KIF15: variants seen among roughly 807,000 people sequenced by gnomAD.
KIF15 encodes the protein kinesin family member 15.
KIF15 carries 140 observed loss-of-function variants against 190.6 expected under a neutral mutation model. The ratio of observed to expected loss-of-function variants is 0.73; its 90% CI spans 0.64 to 0.84. The LOEUF (loss-of-function observed/expected upper bound fraction) is 0.84. Ranked by LOEUF, KIF15 falls within the 40% of genes least tolerant of loss-of-function variation. The pLI is 0.00. For missense variants in KIF15, 1,372 were observed against 1,584.4 expected (o/e 0.87, Z 2.28); for synonymous variants, 528 against 551.3 (o/e 0.96, Z 0.59).
chr3:44,828,100 T>A, intron 23 of KIF15, 114 bp from the exon 24 acceptor site: 1 of 663,706 alleles, frequency 1.5e-6, no homozygotes, highest in East Asian at 2.8e-5. Context: ...TTTCAAGTAT[T>A]ACTCCTAGCA....
intron 7 of KIF15, 142 bp downstream of exon 7, chr3:44,786,716 A>G (rs1706424598): frequency 8.4e-6 from 5 of 595,822 alleles, no homozygotes; most frequent in Non-Finnish European, 1.3e-5. Flanking sequence ...GTAAAGATAA[A>G]ATAATATGGC....
intron 8 of KIF15, among the ~76,000 whole-genome samples, chr3:44,796,655 A>G (rs900574319): frequency 6.6e-6 from 1 of 152,108 alleles, no homozygotes; most frequent in Non-Finnish European, 1.5e-5. Flanking sequence ...TCTTTTTTGT[A>G]TACTCCTTCC....
At chr3:44,829,908 AT>A in intron 24 of KIF15, 62 bp from the exon 25 acceptor site, 1 of 804,942 alleles carries the variant, frequency 1.2e-6, no homozygotes, top group African/African-American at 1.8e-5. Flanking sequence ...GTGATTTACC[AT>A]TTAAAAATTT....
chr3:44,801,808 A>G lies in KIF15; in HGVS notation c.1343A>G (p.Lys448Arg). 3 of 1,606,666 alleles carry G rather than the reference A, an allele frequency of 1.9e-6. No individual in the cohort carries two copies. The highest frequency in any genetic ancestry group is 2.6e-6 in the Non-Finnish European group (3 of 1,174,630). The stretch of plus-strand genomic sequence containing the variant: ...ACCCAATTAGAAGACCTCACCCTCA[A>G]AAAGGAAAAATTTATTCAATCTAAT... ...KVTQLEDLTL[K>R]KEKFIQSNKM... The change falls in exon 13 of 35, where the codon AAA becomes AGA. Residue 448 changes from lysine (K) to arginine (R), a missense_variant. Lys to Arg is a conservative substitution (Grantham distance 26). Transcript: ENST00000326047.
chr3:44,850,681 A>G (rs2125731324), intron 32 of KIF15, among the ~76,000 whole-genome samples: 1 of 152,314 alleles, frequency 6.6e-6, no homozygotes, highest in Middle Eastern at 3.4e-3. Context: ...AAAGCCAACA[A>G]TGAATTGGGA....
intron 23 of KIF15, 31 bp from the exon 24 acceptor site, chr3:44,828,182 AT>A (rs1311415288): frequency 1.3e-5 from 19 of 1,509,972 alleles, no homozygotes; most frequent in Non-Finnish European, 1.7e-5. Flanking sequence ...CGATTTAATT[AT>A]TCTTCTAAAA....
At chr3:44,824,167 A>C (rs566542416) in intron 20 of KIF15, among the ~76,000 whole-genome samples, 1 of 152,312 alleles carries the variant, frequency 6.6e-6, no homozygotes, top group South Asian at 2.1e-4. Flanking sequence ...CATTTTTCTT[A>C]GGCCTGCCCA....
At chr3:44,806,270 A>G (rs191960366) in intron 16 of KIF15, among the ~76,000 whole-genome samples, 3 of 152,310 alleles carry the variant, frequency 2.0e-5, no homozygotes, top group Non-Finnish European at 4.4e-5. Context: ...TCTTTTCTCT[A>G]AATTGGAAAT....
chr3:44,812,111 C>A, intron 17 of KIF15, 71 bp from the exon 18 acceptor site: 2 of 1,144,640 alleles, frequency 1.7e-6, no homozygotes, highest in South Asian at 1.3e-5. Flanking sequence ...CTCTTTAATG[C>A]AGACGAAATG....
rs1214470250 is a variant in KIF15, at chr3:44,797,852, G to C, written c.994G>C (p.Ala332Pro). Reference protein sequence around the residue: ...FLLRDSLGGNAKTAIIANVHP... With the variant: ...FLLRDSLGGNPKTAIIANVHP... ...TAAACAGGATTCCCTTGGAGGTAAT[G>C]CCAAAACAGCCATAATTGCAAATGT... Residue 332 changes from alanine (A) to proline (P), a missense_variant, in exon 10 of 35, where the codon GCC becomes CCC. Physicochemically the swap from Ala to Pro is conservative, Grantham distance 27. Coordinates refer to ENST00000326047, the MANE Select transcript of KIF15 (RefSeq NM_020242.3). The C allele has an allele frequency of 1.2e-6, 2 of 1,613,704 alleles. No individual in the cohort carries two copies. The highest frequency in any genetic ancestry group is 3.3e-5 in the Admixed American group (2 of 59,962).
chr3:44,848,194 T>C (rs1233120831), intron 31 of KIF15, 137 bp downstream of exon 31: 7 of 634,876 alleles, frequency 1.1e-5, no homozygotes, highest in South Asian at 4.0e-5. Flanking sequence ...TTTAGCATGA[T>C]ATTTACCATT....
At chr3:44,859,477 C>T (rs921839396) in intron 6 of KIF15, among the ~76,000 whole-genome samples, 9 of 152,000 alleles carry the variant, frequency 5.9e-5, no homozygotes, top group African/African-American at 2.2e-4. Flanking sequence ...CCAGCCTGGG[C>T]CACATGTCAA....
chr3:44,829,161 TC>T (rs1412549726), intron 24 of KIF15, among the ~76,000 whole-genome samples: 1 of 151,208 alleles, frequency 6.6e-6, no homozygotes, highest in Non-Finnish European at 1.5e-5. Flanking sequence ...ATCGAGACCA[TC>T]CTGGCTAACA....
At position 44,828,310 on chromosome 3, in the gene KIF15, G is replaced by A. The variant is rs756845998; in HGVS notation, c.2943+10G>A. 6 of 1,576,332 alleles carry A rather than the reference G, an allele frequency of 3.8e-6. No homozygotes were observed. In the East Asian group the frequency reaches 1.1e-4, roughly 29 times the overall value. On this transcript the variant is annotated intron_variant, in intron 24 of 34. Transcript: ENST00000326047. ...TAGAGATTCTGATAAGGTTGGTAGAGTTTGAAGCTACATCTCTCTGTGCAT... is the reference window on the plus strand; with the variant it reads ...TAGAGATTCTGATAAGGTTGGTAGAATTTGAAGCTACATCTCTCTGTGCAT...
chr3:44,851,726 G>C (rs960541470), intron 32 of KIF15, 61 bp from the exon 33 acceptor site: 4 of 1,406,456 alleles, frequency 2.8e-6, no homozygotes, highest in Non-Finnish European at 3.9e-6. Context: ...TGTCTAACTT[G>C]AGCACTGTTT....
At chr3:44,855,783 GAGA>G (rs1194309503), downstream of KIF15, among the ~76,000 whole-genome samples, 1 of 152,140 alleles carries the variant, frequency 6.6e-6, no homozygotes, top group Non-Finnish European at 1.5e-5. Context: ...GTCCAAATAA[GAGA>G]AGGAGAAAAA....
downstream of KIF15, among the ~76,000 whole-genome samples, chr3:44,856,356 T>G (rs1308305711): frequency 6.6e-6 from 1 of 152,106 alleles, no homozygotes; most frequent in Admixed American, 6.5e-5. Flanking sequence ...GAATAGCAGA[T>G]GGAACACTGA....
intron 31 of KIF15, 144 bp from the exon 32 acceptor site, chr3:44,848,377 G>C (rs546968422): frequency 3.5e-6 from 2 of 569,264 alleles, no homozygotes; most frequent in East Asian, 3.1e-5. Context: ...CTTTATGTAT[G>C]TGTAGCTGGC....
rs148560103 is a variant in KIF15 at position 44,847,852 on chromosome 3, A to G, written c.3696-133A>G. ...TTATCAACTGTACTGACTTGACCCA[A>G]TCACAATAGAGTTAGCCTTTCTTTG... is the stretch of plus-strand genomic sequence containing the variant. On this transcript the variant is annotated intron_variant, in intron 30 of 34. Transcript: ENST00000326047. 5.0e-4 allele frequency: 316 copies of G among 638,242 alleles called. 1 individual carries two copies. In the African/African-American group the frequency reaches 5.2e-3, roughly 11 times the overall value. The allele number at this position is 638,242 out of a possible 1,614,324, so 39.5% of individuals were successfully genotyped here. A position where few individuals can be genotyped will look rare whatever the true frequency, so the allele number is the denominator to read the frequency against.
Sources: gnomAD v4.1 joint callset for allele counts (sites outside exome capture counted in the v4.1 genomes callset) on GRCh38, gnomAD v4.1.1 for gene constraint, MANE v1.5 for transcripts, NCBI Gene and HGNC (gene_info 2026-07-23, HGNC 2026-07-21) for gene names.